Variants in SFI1 observed in about 807,000 individuals in gnomAD.
The protein encoded by SFI1 is SFI1 centrin binding protein.
In SFI1, 195 loss-of-function variants were observed where a neutral mutation model predicts 207.5. That is an observed-to-expected ratio of 0.94 (90% CI 0.84 to 1.06). The LOEUF (loss-of-function observed/expected upper bound fraction) is 1.06. SFI1 is among the 50% of genes least tolerant of loss of function. The pLI, the probability that SFI1 is intolerant of heterozygous loss-of-function variation, is 0.00. For missense variants in SFI1, 1,634 were observed against 1,588.0 expected, an observed-to-expected ratio of 1.03 and a Z score of -0.49; for synonymous variants, 630 against 598.9, an observed-to-expected ratio of 1.05 and a Z score of -0.76.
intron 22 of SFI1, among the ~76,000 whole-genome samples, chr22:31,608,529 T>TCGC (rs2069469172): frequency 2.4e-4 from 37 of 152,172 alleles, no homozygotes; most frequent in Admixed American, 2.4e-3. Flanking sequence ...AGGACATGAA[T>TCGC]ACGGCAGGTG....
At position 31,561,285 on chromosome 22, in the gene SFI1, C is replaced by T; in HGVS notation, c.663-5C>T. 6.2e-7 allele frequency: 1 copy of T among 1,612,898 alleles called. No homozygotes were observed. Among genetic ancestry groups the T allele is most frequent in the Non-Finnish European group, 8.5e-7 (1 of 1,179,268 alleles). Reference sequence around the variant, plus strand: ...GGATTCCATCTTTGATTTGCTGTTTCACAGGGTGTGGTGGAGCACGTGGAG... The same window carrying T: ...GGATTCCATCTTTGATTTGCTGTTTTACAGGGTGTGGTGGAGCACGTGGAG... On this transcript the variant is annotated splice_polypyrimidine_tract_variant and splice_region_variant and intron_variant, in intron 7 of 32. Transcript: ENST00000400288.
At chr22:31,612,398 A>AAAAAAAAAAATATAT (rs1556369798) in intron 24 of SFI1, 1 of 60,194 alleles carries the variant, frequency 1.7e-5, no homozygotes, top group African/African-American at 6.7e-5. Context: ...AAAAAAAAAA[A>AAAAAAAAAAATATAT]ATATATATAT....
At chr22:31,560,802 A>G (rs981112984) in intron 7 of SFI1, among the ~76,000 whole-genome samples, 1 of 151,824 alleles carries the variant, frequency 6.6e-6, no homozygotes, top group Non-Finnish European at 1.5e-5. Flanking sequence ...CCTGGGTTCA[A>G]GCTATTCTCC....
intron 5 of SFI1, among the ~76,000 whole-genome samples, chr22:31,547,690 A>G (rs9621278): frequency 0.27 from 39,609 of 144,348 alleles, 5,415 homozygotes; most frequent in East Asian, 0.41. Context: ...CGCCATCTTG[A>G]CTCACTGCAA....
At chr22:31,603,262 A>G (rs1210755697) in intron 17 of SFI1, among the ~76,000 whole-genome samples, 1 of 152,148 alleles carries the variant, frequency 6.6e-6, no homozygotes, top group East Asian at 1.9e-4. Context: ...TAGCCAGGGA[A>G]TAAACTGATG....
chr22:31,539,216 TCCAATGG>T (rs1036659563), intron 4 of SFI1, among the ~76,000 whole-genome samples: 16 of 152,154 alleles, frequency 1.1e-4, no homozygotes, highest in African/African-American at 3.6e-4. Context: ...CCCGAGTGAC[TCCAATGG>T]CCCCTCATTG....
intron 1 of SFI1, among the ~76,000 whole-genome samples, chr22:31,502,501 G>A (rs2053958739): frequency 6.6e-6 from 1 of 151,814 alleles, no homozygotes; most frequent in Non-Finnish European, 1.5e-5. Context: ...AGCCTCCCAA[G>A]TAGCTGGGAT....
chr22:31,593,983 G>C lies in SFI1; in HGVS notation c.1544+4406G>C, dbSNP rs1363009507. 6.1e-3 allele frequency among the ~76,000 whole-genome samples: 539 copies of C among 88,698 alleles called. 4 individuals carry two copies. Among genetic ancestry groups the C allele is most frequent in the African/African-American group, 0.014 (322 of 22,996 alleles). 58.2% of individuals were successfully genotyped at this position (88,698 alleles called of 152,430 possible). A position where few individuals can be genotyped will look rare whatever the true frequency, so the allele number is the denominator to read the frequency against. On this transcript the variant is annotated intron_variant, in intron 15 of 32. Coordinates refer to ENST00000400288, the MANE Select transcript of SFI1 (RefSeq NM_001007467.3). ...ATGAGAGGGAGACCATGGGGAGACG[G>C]AGACGAGGGAGAGGGAGAGGGACAG...
intron 10 of SFI1, chr22:31,577,836 CACTT>C (rs1374440797): frequency 3.9e-5 from 6 of 152,422 alleles, no homozygotes; most frequent in African/African-American, 1.4e-4. Flanking sequence ...GGAGGAGGCT[CACTT>C]ACCAGTCTAC....
At chr22:31,545,796 G>A (rs934592749) in intron 4 of SFI1, among the ~76,000 whole-genome samples, 4 of 149,284 alleles carry the variant, frequency 2.7e-5, no homozygotes, top group Non-Finnish European at 4.4e-5. Flanking sequence ...GGCCAGGCTG[G>A]TCTCGAACTC....
At chr22:31,572,754 C>T (rs182463872) in intron 8 of SFI1, 2,266 of 193,352 alleles carry the variant, frequency 0.012, 12 homozygotes, top group Middle Eastern at 0.024. Flanking sequence ...CTGCCCTCCT[C>T]GGCCTCCCAA....
chr22:31,550,621 G>A (rs1012124812), intron 6 of SFI1: 10 of 343,594 alleles, frequency 2.9e-5, no homozygotes, highest in Non-Finnish European at 4.3e-5. Context: ...TGCTGGTTCA[G>A]TGGGCTGGCT....
intron 8 of SFI1, among the ~76,000 whole-genome samples, chr22:31,571,554 ATCC>A (rs2062956176): frequency 6.6e-6 from 1 of 151,912 alleles, no homozygotes; most frequent in South Asian, 2.1e-4. Context: ...AGGTCAAGCA[ATCC>A]TCCTGCCTTG....
At chr22:31,498,401 A>C (rs1168714102) in intron 1 of SFI1, among the ~76,000 whole-genome samples, 1 of 152,148 alleles carries the variant, frequency 6.6e-6, no homozygotes, top group East Asian at 1.9e-4. Context: ...AAGGATTTCT[A>C]GGTGCCATTA....
At chr22:31,608,106 C>A in intron 22 of SFI1, 73 bp downstream of exon 22, 1 of 1,229,306 alleles carries the variant, frequency 8.1e-7, no homozygotes, top group Non-Finnish European at 1.2e-6. Context: ...CCCTGTGGCC[C>A]GCATAAGTCT....
Position 31,618,173 on chromosome 22 carries a change from C to G in SFI1, c.3571C>G (p.Pro1191Ala). The change falls in exon 32 of 33, where the codon CCG becomes GCG. Residue 1191 changes from proline (P) to alanine (A), a missense_variant. By Grantham distance (27) the Pro-to-Ala change is conservative (BLOSUM62 -1). Coordinates refer to ENST00000400288, the MANE Select transcript of SFI1 (RefSeq NM_001007467.3). ...RRWLELNREE[P>A]GPEDQEVEQQ... ...GTGGCTGGAGCTGAACAGAGAGGAG[C>G]CGGGGCCTGAGGACCAGGAAGTAGA... The G allele has an allele frequency of 6.3e-7, 1 of 1,594,668 alleles. No individual in the cohort carries two copies. The highest frequency in any genetic ancestry group is 1.3e-5 in the African/African-American group (1 of 74,930).
intron 21 of SFI1, 124 bp from the exon 22 acceptor site, chr22:31,607,813 G>A (rs1158926204): frequency 3.0e-5 from 22 of 728,324 alleles, no homozygotes; most frequent in Middle Eastern, 2.7e-4. Flanking sequence ...TTCCTGGACC[G>A]TGTGTGAGAA....
At chr22:31,551,522 T>A (rs2060621185) in intron 6 of SFI1, among the ~76,000 whole-genome samples, 1 of 152,232 alleles carries the variant, frequency 6.6e-6, no homozygotes. Flanking sequence ...TTTATTTTTT[T>A]AATACATACA....
At chr22:31,611,730 C>G in intron 23 of SFI1, 36 bp from the exon 24 acceptor site, 1 of 1,601,876 alleles carries the variant, frequency 6.2e-7, no homozygotes, top group Non-Finnish European at 8.5e-7. Flanking sequence ...TAGGCTGGGT[C>G]AGGACGCCAC....
Sources: allele counts gnomAD v4.1 joint callset (sites outside exome capture counted in the v4.1 genomes callset), GRCh38; gene constraint gnomAD v4.1.1; transcripts MANE v1.5; gene names NCBI Gene and HGNC (gene_info 2026-07-23, HGNC 2026-07-21).